Variants in TMEM182 observed in about 807,000 individuals in gnomAD.
The protein encoded by TMEM182 is transmembrane protein 182.
TMEM182 carries 20 observed loss-of-function variants against 26.8 expected under a neutral mutation model. The observed-to-expected ratio is 0.75, with a 90% CI of 0.53 to 1.09. The LOEUF (loss-of-function observed/expected upper bound fraction) is 1.09. Ranked by LOEUF, TMEM182 falls within the 50% of genes least tolerant of loss-of-function variation. The pLI, the probability that TMEM182 is intolerant of heterozygous loss-of-function variation, is 0.00. For missense variants in TMEM182, 277 were observed against 275.5 expected (o/e 1.01, Z -0.04); for synonymous variants, 109 against 102.2 (o/e 1.07, Z -0.40).
intron 3 of TMEM182, among the ~76,000 whole-genome samples, chr2:102,768,001 CAG>C (rs1290900059): frequency 1.3e-5 from 2 of 152,112 alleles, no homozygotes; most frequent in Non-Finnish European, 2.9e-5. Context: ...ATTTTTCTAA[CAG>C]AGCGGGTTTA....
chr2:102,828,075 A>G (rs548342321), intron 3 of TMEM182, among the ~76,000 whole-genome samples: 15 of 152,282 alleles, frequency 9.9e-5, no homozygotes, highest in Middle Eastern at 3.4e-3. Context: ...TGGGCAACAG[A>G]GACTCCATCT....
chr2:102,819,761 C>T (rs1682872734), downstream of TMEM182, among the ~76,000 whole-genome samples: 1 of 152,134 alleles, frequency 6.6e-6, no homozygotes, highest in Non-Finnish European at 1.5e-5. Context: ...CTCAGGCATT[C>T]CCAAACTCTT....
chr2:102,823,576 G>T (rs111744296), intron 3 of TMEM182, among the ~76,000 whole-genome samples: 2 of 151,868 alleles, frequency 1.3e-5, no homozygotes, highest in Admixed American at 6.6e-5. Context: ...CTCGTGATCC[G>T]CCCACCTCGG....
At chr2:102,822,998 T>G (rs1682957727) in intron 3 of TMEM182, among the ~76,000 whole-genome samples, 1 of 152,192 alleles carries the variant, frequency 6.6e-6, no homozygotes, top group African/African-American at 2.4e-5. Context: ...GGGGTCACCT[T>G]TTACAAGTCA....
In TMEM182 at chr2:102,817,488, G is replaced by A; in HGVS notation, c.*2520G>A. On this transcript the variant is annotated 3_prime_UTR_variant, in exon 5 of 5. Transcript: ENST00000412401. ...CAGGTGGATGATTGCACATACATTG[G>A]AATTGGCTGGAGAGACTACACAGAG... 1 of 985,180 alleles carries A rather than the reference G, an allele frequency of 1.0e-6. No individual in the cohort carries two copies. Among genetic ancestry groups the A allele is most frequent in the Non-Finnish European group, 1.2e-6 (1 of 829,882 alleles). 61.0% of individuals were successfully genotyped at this position (985,180 alleles called of 1,614,324 possible).
intron 1 of TMEM182, among the ~76,000 whole-genome samples, chr2:102,737,337 T>A (rs1483827940): frequency 6.6e-6 from 1 of 152,212 alleles, no homozygotes; most frequent in African/African-American, 2.4e-5. Context: ...TCTGGTGCAG[T>A]GCAATGTGAA....
chr2:102,810,594 C>T (rs991231694), intron 4 of TMEM182, among the ~76,000 whole-genome samples: 1 of 152,106 alleles, frequency 6.6e-6, no homozygotes, highest in Admixed American at 6.6e-5. Context: ...TCACATACTG[C>T]CAATAACAAG....
chr2:102,788,731 G>A (rs2104710640), intron 3 of TMEM182, among the ~76,000 whole-genome samples: 1 of 152,230 alleles, frequency 6.6e-6, no homozygotes, highest in East Asian at 1.9e-4. Flanking sequence ...CAGAGTGGAA[G>A]GTGGAATCCC....
chr2:102,739,425 G>A (rs924229179), intron 1 of TMEM182, among the ~76,000 whole-genome samples: 5 of 152,152 alleles, frequency 3.3e-5, no homozygotes, highest in African/African-American at 9.7e-5. Context: ...ACCTCATGTC[G>A]AATTGTAGTC....
chr2:102,755,887 A>G (rs1680016589), intron 1 of TMEM182, among the ~76,000 whole-genome samples: 1 of 152,234 alleles, frequency 6.6e-6, no homozygotes, highest in Non-Finnish European at 1.5e-5. Context: ...CCGTCTAGGA[A>G]AGGGAGAGTG....
At chr2:102,813,657 G>A (rs996832206) in intron 4 of TMEM182, among the ~76,000 whole-genome samples, 2 of 152,184 alleles carry the variant, frequency 1.3e-5, no homozygotes, top group African/African-American at 2.4e-5. Flanking sequence ...TAGTGGCATT[G>A]TTTCCTTCTG....
chr2:102,815,296 G>A lies in TMEM182; in HGVS notation c.*328G>A. 3 of 1,025,336 alleles carry A rather than the reference G, an allele frequency of 2.9e-6. No homozygotes were observed. Among genetic ancestry groups the A allele is most frequent in the African/African-American group, 1.7e-5 (1 of 58,470 alleles). 63.5% of individuals were successfully genotyped at this position (1,025,336 alleles called of 1,614,324 possible). A position where few individuals can be genotyped will look rare whatever the true frequency, so the allele number is the denominator to read the frequency against. On this transcript the variant is annotated 3_prime_UTR_variant, in exon 5 of 5. Coordinates refer to ENST00000412401, the MANE Select transcript of TMEM182 (RefSeq NM_144632.5). ...AATACCATGACATGGGGAAAATCTCGATAGATTTGGCTTAAAGTCTCCTTG... is the reference window on the plus strand; with the variant it reads ...AATACCATGACATGGGGAAAATCTCAATAGATTTGGCTTAAAGTCTCCTTG...
intron 1 of TMEM182, among the ~76,000 whole-genome samples, chr2:102,745,939 CAT>C (rs1679683113): frequency 6.6e-6 from 1 of 152,100 alleles, no homozygotes; most frequent in Admixed American, 6.5e-5. Flanking sequence ...TTGATGGTAA[CAT>C]ATGTTTTTAT....
chr2:102,740,670 T>C (rs1679515853), intron 1 of TMEM182, among the ~76,000 whole-genome samples: 1 of 152,162 alleles, frequency 6.6e-6, no homozygotes, highest in Non-Finnish European at 1.5e-5. Flanking sequence ...AAGTTCAAAG[T>C]TAAATGCACA....
intron 3 of TMEM182, among the ~76,000 whole-genome samples, chr2:102,840,949 A>G (rs1683338004): frequency 6.6e-6 from 1 of 152,158 alleles, no homozygotes; most frequent in African/African-American, 2.4e-5. Context: ...TCTGCCGTTT[A>G]TTTCTAAAAC....
chr2:102,834,208 T>C (rs1412439132), intron 3 of TMEM182, among the ~76,000 whole-genome samples: 1 of 152,200 alleles, frequency 6.6e-6, no homozygotes, highest in Non-Finnish European at 1.5e-5. Context: ...TGGCTGCCTA[T>C]AGCCATCCCT....
rs772900538 is a variant in TMEM182 at position 102,814,890 on chromosome 2, C to T, written c.612C>T (p.Ala204=). Residue 204 remains alanine, a synonymous_variant, in exon 5 of 5, where the codon GCC becomes GCT. Coordinates refer to ENST00000412401, the MANE Select transcript of TMEM182 (RefSeq NM_144632.5). ...TGTATGGCTGGTCATTTTTCCTGGC[C>T]CCAGCTGGGATATTTTTTTCTTTGC... The part of the protein sequence containing the change: ...SVLYGWSFFL[A]PAGIFFSLLA... 5 of 1,613,844 alleles carry T rather than the reference C, an allele frequency of 3.1e-6. No homozygotes were observed. The highest frequency in any genetic ancestry group is 3.4e-6 in the Non-Finnish European group (4 of 1,179,972).
intron 4 of TMEM182, among the ~76,000 whole-genome samples, chr2:102,809,483 C>A (rs1243422689): frequency 6.6e-6 from 1 of 152,208 alleles, no homozygotes; most frequent in Non-Finnish European, 1.5e-5. Flanking sequence ...CAAATGTGAC[C>A]TGCTGCCTTC....
chr2:102,828,046 G>A lies in TMEM182; in HGVS notation c.326-15366G>A, dbSNP rs529707261. On this transcript the variant is annotated intron_variant, in intron 3 of 3. Transcript: ENST00000486293. Reference sequence around the variant, plus strand: ...GCAAAGGTTGCAGTGAGCCGAGATCGTGCCACTGCACTCCAGCCTGGGCAA... The same window carrying A: ...GCAAAGGTTGCAGTGAGCCGAGATCATGCCACTGCACTCCAGCCTGGGCAA... 8.3e-4 allele frequency among the ~76,000 whole-genome samples: 127 copies of A among 152,234 alleles called. 1 individual carries two copies. The highest frequency in any genetic ancestry group is 1.6e-3 in the African/African-American group (68 of 41,544).
Sources: allele counts gnomAD v4.1 joint callset (sites outside exome capture counted in the v4.1 genomes callset), GRCh38; gene constraint gnomAD v4.1.1; transcripts MANE v1.5; gene names NCBI Gene and HGNC (gene_info 2026-07-23, HGNC 2026-07-21).